Variants in CERS5 observed in about 807,000 individuals in gnomAD.
CERS5 encodes LAG1 homolog, ceramide synthase 5.
In CERS5, 37 loss-of-function variants were observed where a neutral mutation model predicts 58.9. The observed-to-expected ratio is 0.63, with a 90% CI of 0.48 to 0.83. The LOEUF (loss-of-function observed/expected upper bound fraction) is 0.83, where lower values mean the gene tolerates loss of function less well. Ranked by LOEUF, CERS5 falls within the 40% of genes least tolerant of loss-of-function variation. CERS5 has a pLI of 0.00. For missense variants in CERS5, 398 were observed against 489.3 expected (o/e 0.81, Z 1.76); for synonymous variants, 147 against 177.8 (o/e 0.83, Z 1.38).
At chr12:50,164,838 A>T (rs1565812617) in intron 1 of CERS5, among the ~76,000 whole-genome samples, 1 of 152,224 alleles carries the variant, frequency 6.6e-6, no homozygotes, top group South Asian at 2.1e-4. Context: ...GGTGTTTATA[A>T]GCAACAAAAC....
In CERS5 at chr12:50,167,318, ACCGCCGCCACAAGCGTCAG is replaced by A. The variant is rs1940033088; in HGVS notation, c.-40_-22del. 1 of 1,431,254 alleles carries A rather than the reference ACCGCCGCCACAAGCGTCAG, an allele frequency of 7.0e-7. No homozygotes were observed. Among genetic ancestry groups the A allele is most frequent in the African/African-American group, 1.5e-5 (1 of 66,128 alleles). The allele number at this position is 1,431,254 out of a possible 1,614,324, so 88.7% of individuals were successfully genotyped here. ...GCCATCTTACGCCCACCCCGAAGCC[ACCGCCGCCACAAGCGTCAG>A]CTGCCGCCACAGCCAACGGAACCCG... On this transcript the variant is annotated 5_prime_UTR_variant, in exon 1 of 10. Transcript: ENST00000317551.
intron 9 of CERS5, chr12:50,133,459 A>T (rs1304255017): frequency 8.0e-6 from 8 of 998,796 alleles, no homozygotes. Flanking sequence ...GTGGGTATTT[A>T]GTTCCTTATA....
intron 1 of CERS5, among the ~76,000 whole-genome samples, chr12:50,148,246 T>C (rs548057326): frequency 2.6e-5 from 4 of 151,982 alleles, no homozygotes; most frequent in African/African-American, 9.7e-5. Context: ...GAGGCTGCAG[T>C]GGGCTGTGAT....
rs1951660879 is a variant in CERS5, at chr12:50,135,764, A to G, written c.840T>C (p.Phe280=). The part of the protein sequence containing the change: ...DTLFVIFSAV[F]MVTRLGIYPF... ...GATAGATTCCTAGTCGTGTAACCATAAAAACAGCACTGAAGATCACAAAAA... is the reference window on the plus strand; with the variant it reads ...GATAGATTCCTAGTCGTGTAACCATGAAAACAGCACTGAAGATCACAAAAA... Residue 280 remains phenylalanine, a synonymous_variant, in exon 8 of 10, where the codon TTT becomes TTC. Transcript: ENST00000317551. 1 of 1,613,768 alleles carries G rather than the reference A, an allele frequency of 6.2e-7. No individual in the cohort carries two copies. Among genetic ancestry groups the G allele is most frequent in the Non-Finnish European group, 8.5e-7 (1 of 1,179,780 alleles).
At chr12:50,150,017 C>T (rs955125270) in intron 1 of CERS5, among the ~76,000 whole-genome samples, 15 of 152,220 alleles carry the variant, frequency 9.9e-5, no homozygotes, top group Admixed American at 3.3e-4. Flanking sequence ...GCTGGGATTA[C>T]AGGCGTGAGC....
intron 9 of CERS5, among the ~76,000 whole-genome samples, chr12:50,131,733 A>G (rs1303647373): frequency 6.6e-6 from 1 of 152,110 alleles, no homozygotes; most frequent in Non-Finnish European, 1.5e-5. Context: ...TTATTTTCAA[A>G]TGAAGCATTT....
intron 2 of CERS5, chr12:50,143,739 C>G: frequency 2.1e-6 from 1 of 484,318 alleles, no homozygotes; most frequent in African/African-American, 1.9e-5. Context: ...GGGCCTAAAA[C>G]TCAAACCTAC....
chr12:50,148,615 G>A, intron 1 of CERS5: 1 of 287,816 alleles, frequency 3.5e-6, no homozygotes, highest in Non-Finnish European at 7.5e-6. Context: ...TAAATAAATA[G>A]GCCGGGCGTG....
At position 50,130,561 on chromosome 12, in the gene CERS5, T is replaced by C. The variant is rs1430972765; in HGVS notation, c.1163A>G (p.Tyr388Cys). 6.2e-7 allele frequency: 1 copy of C among 1,608,204 alleles called. No individual in the cohort carries two copies. The highest frequency in any genetic ancestry group is 8.5e-7 in the Non-Finnish European group (1 of 1,175,250). Residue 388 changes from tyrosine (Y) to cysteine (C), a missense_variant, in exon 10 of 10, where the codon TAC (tyrosine) becomes TGC (cysteine). Physicochemically the swap from Tyr to Cys is radical, Grantham distance 194. Coordinates refer to ENST00000317551, the MANE Select transcript of CERS5 (RefSeq NM_147190.5). ...NRVNGHMGGSYWAEE is the reference protein window; with the variant it reads ...NRVNGHMGGSCWAEE Reference sequence around the variant, plus strand: ...GCAACCACCTTACTCTTCAGCCCAGTAGCTGCCTCCCATGTGACCATTCAC... The same window carrying C: ...GCAACCACCTTACTCTTCAGCCCAGCAGCTGCCTCCCATGTGACCATTCAC...
In CERS5 at chr12:50,134,659, G is replaced by T. The variant is rs1951532900; in HGVS notation, c.916C>A (p.Pro306Thr). ...TTGAGGAGCCACCATGAAGCATAAG[G>T]CCCGATTATCTCCCAACTCTCAAAG... is the stretch of plus-strand genomic sequence containing the variant. Reference protein sequence around the residue: ...TLFESWEIIGPYASWWLLNGL... With the variant: ...TLFESWEIIGTYASWWLLNGL... Residue 306 changes from proline (P) to threonine (T), a missense_variant, in exon 9 of 10, where the codon CCT becomes ACT. Around this residue, in one of 3 missense-constraint regions of CERS5, gnomAD observed 328 missense variants for 384.5 expected, o/e 0.85. Coordinates refer to ENST00000317551, the MANE Select transcript of CERS5 (RefSeq NM_147190.5). 3 of 1,614,000 alleles carry T rather than the reference G, an allele frequency of 1.9e-6. No individual in the cohort carries two copies. Among genetic ancestry groups the T allele is most frequent in the Admixed American group, 3.3e-5 (2 of 59,984 alleles).
At chr12:50,155,123 G>A (rs1464838907) in intron 1 of CERS5, among the ~76,000 whole-genome samples, 8 of 152,048 alleles carry the variant, frequency 5.3e-5, no homozygotes, top group Admixed American at 5.2e-4. Context: ...CTCCCAAAGT[G>A]CTGGGATTAT....
chr12:50,156,424 A>C (rs1365201094), intron 1 of CERS5, among the ~76,000 whole-genome samples: 1 of 125,356 alleles, frequency 8.0e-6, no homozygotes, highest in Non-Finnish European at 1.7e-5. Context: ...AACAAACTAT[A>C]TATATATATA....
chr12:50,144,750 A>G (rs1272199812), intron 1 of CERS5: 3 of 1,458,578 alleles, frequency 2.1e-6, no homozygotes, highest in East Asian at 4.9e-5. Context: ...AGGCATATAA[A>G]CTTGGTAAAA....
intron 2 of CERS5, 92 bp from the exon 3 acceptor site, chr12:50,143,296 T>C: frequency 6.9e-7 from 1 of 1,439,572 alleles, no homozygotes; most frequent in Non-Finnish European, 9.5e-7. Context: ...ATGATAGCCA[T>C]AAGTGGCTCA....
At chr12:50,145,953 TTTG>T (rs1383548316) in intron 1 of CERS5, among the ~76,000 whole-genome samples, 3 of 152,230 alleles carry the variant, frequency 2.0e-5, no homozygotes, top group African/African-American at 7.2e-5. Flanking sequence ...GCCGTCATTC[TTTG>T]TTGTTGAGTT....
intron 1 of CERS5, among the ~76,000 whole-genome samples, chr12:50,162,542 G>A (rs1048538639): frequency 1.8e-4 from 27 of 150,622 alleles, no homozygotes; most frequent in Non-Finnish European, 3.4e-4. Flanking sequence ...TCTGGGCTCT[G>A]AAAAAAAGAG....
chr12:50,136,153 A>G (rs7136570), intron 6 of CERS5, 84 bp from the exon 7 acceptor site: 821,587 of 1,255,612 alleles, frequency 0.65, 274,268 homozygotes, highest in East Asian at 0.93. Flanking sequence ...ATTATTCTCT[A>G]AGAATCTTAC....
intron 1 of CERS5, among the ~76,000 whole-genome samples, chr12:50,151,418 T>C (rs1262514599): frequency 6.6e-6 from 1 of 152,194 alleles, no homozygotes; most frequent in African/African-American, 2.4e-5. Context: ...CTTCTTGAAA[T>C]GCCCTTTTCT....
intron 7 of CERS5, 37 bp downstream of exon 7, chr12:50,135,904 G>A (rs774812655): frequency 6.3e-7 from 1 of 1,578,382 alleles, no homozygotes; most frequent in Non-Finnish European, 8.6e-7. Context: ...GAAAAGAAGA[G>A]AAGAAGAAGA....
Sources: gnomAD v4.1 joint callset for allele counts (sites outside exome capture counted in the v4.1 genomes callset) on GRCh38, gnomAD v4.1.1 for gene constraint, gnomAD v4.1.1 regional missense constraint, MANE v1.5 for transcripts, NCBI Gene and HGNC (gene_info 2026-07-23, HGNC 2026-07-21) for gene names.